The following STXBP4 variants were observed in gnomAD, a reference collection of about 807,000 sequenced individuals.
STXBP4 encodes syntaxin-binding protein 4.
STXBP4 carries 55 observed loss-of-function variants against 76.1 expected under a neutral mutation model. The ratio of observed to expected loss-of-function variants is 0.72; its 90% confidence interval spans 0.58 to 0.91. The LOEUF is 0.91. Among genes scored for constraint, STXBP4 ranks in the 40% least tolerant of loss-of-function variants. The pLI is 0.00. For synonymous variants in STXBP4, 201 were observed against 220.2 expected (o/e 0.91, Z 0.77); for missense variants, 618 against 636.9 (o/e 0.97, Z 0.32).
intron 12 of STXBP4, among the ~76,000 whole-genome samples, chr17:55,062,213 A>G (rs569894717): frequency 6.6e-6 from 1 of 151,988 alleles, no homozygotes; most frequent in East Asian, 1.9e-4. Flanking sequence ...TACATTAGGT[A>G]TTTCTCCTAA....
chr17:55,031,451 AAAG>A (rs1886762067), intron 9 of STXBP4, among the ~76,000 whole-genome samples, 187 bp downstream of exon 9: 2 of 97,188 alleles, frequency 2.1e-5, no homozygotes, highest in African/African-American at 3.3e-5. Context: ...GGGTCAGCAG[AAAG>A]AAGAATTTCA....
Position 55,166,293 on chromosome 17 carries a change from C to T in STXBP4, c.*6382C>T, listed in dbSNP as rs1026513825. ...TGGCTTATTTATTTTTCAAGTCTTT[C>T]TCATTTCTTACCTGGATGCTTTCAA... On this transcript the variant is annotated 3_prime_UTR_variant, in exon 18 of 18. Transcript: ENST00000376352. 2.0e-5 allele frequency: 3 copies of T among 152,128 alleles called. No individual in the cohort carries two copies. The highest frequency in any genetic ancestry group is 4.4e-5 in the Non-Finnish European group (3 of 68,026). 9.4% of individuals were successfully genotyped at this position (152,128 alleles called of 1,614,324 possible).
At chr17:55,135,365 CT>C (rs1182428472) in intron 16 of STXBP4, among the ~76,000 whole-genome samples, 4 of 151,682 alleles carry the variant, frequency 2.6e-5, no homozygotes, top group Non-Finnish European at 5.9e-5. Context: ...ATGTCATTTG[CT>C]TTTTTTTCCT....
downstream of STXBP4, chr17:55,173,732 C>A (rs2080418226): frequency 6.6e-6 from 1 of 152,162 alleles, no homozygotes; most frequent in Non-Finnish European, 1.5e-5. Flanking sequence ...TCTATTGTTG[C>A]CCTTTAAAAT....
intron 16 of STXBP4, among the ~76,000 whole-genome samples, chr17:55,118,942 T>TTA (rs35478073): frequency 0.044 from 6,493 of 147,176 alleles, 216 homozygotes; most frequent in East Asian, 0.18. Context: ...ATTAACTGAT[T>TTA]TATATATATA....
chr17:55,001,478 C>T (rs951147200), intron 7 of STXBP4, among the ~76,000 whole-genome samples: 3 of 151,372 alleles, frequency 2.0e-5, no homozygotes, highest in Non-Finnish European at 2.9e-5. Context: ...AGGATCAATA[C>T]GAAGAAAAAA....
At chr17:55,203,243 C>T in the STXBP4 span, among the ~76,000 whole-genome samples, 1 of 152,136 alleles carries the variant, frequency 6.6e-6, no homozygotes. Context: ...TTCCCCTGTG[C>T]TGAGGTAGAT....
At chr17:55,144,291 G>C (rs1337788109) in intron 17 of STXBP4, among the ~76,000 whole-genome samples, 1 of 151,986 alleles carries the variant, frequency 6.6e-6, no homozygotes, top group Non-Finnish European at 1.5e-5. Flanking sequence ...GAAGGAATGG[G>C]GTGTTTGGCA....
At chr17:55,050,178 G>A (rs2078842366) in intron 12 of STXBP4, among the ~76,000 whole-genome samples, 1 of 152,050 alleles carries the variant, frequency 6.6e-6, no homozygotes, top group Non-Finnish European at 1.5e-5. Flanking sequence ...AAGTAACTCA[G>A]TAAGTTGATA....
intron 8 of STXBP4, among the ~76,000 whole-genome samples, chr17:55,025,009 C>T (rs957882667): frequency 3.0e-4 from 45 of 151,844 alleles, no homozygotes; most frequent in African/African-American, 1.0e-3. Context: ...GGCATGGTGG[C>T]GGGTGCCTGT....
At chr17:55,148,489 G>A (rs2080180579) in intron 17 of STXBP4, among the ~76,000 whole-genome samples, 1 of 152,114 alleles carries the variant, frequency 6.6e-6, no homozygotes, top group South Asian at 2.1e-4. Flanking sequence ...GAAATTTAAA[G>A]GGTACTACTT....
intron 16 of STXBP4, among the ~76,000 whole-genome samples, chr17:55,092,748 T>A (rs2079431709): frequency 6.6e-6 from 1 of 152,130 alleles, no homozygotes; most frequent in Non-Finnish European, 1.5e-5. Context: ...AGAAAAGGTT[T>A]TATGAGAAAA....
chr17:55,076,163 C>T (rs2079179159), intron 13 of STXBP4, among the ~76,000 whole-genome samples: 1 of 152,164 alleles, frequency 6.6e-6, no homozygotes, highest in Non-Finnish European at 1.5e-5. Flanking sequence ...CAAATCCAGT[C>T]ATCCCTCCTG....
chr17:55,043,268 A>G lies in STXBP4; in HGVS notation c.888A>G (p.Glu296=). Residue 296 remains glutamate, a synonymous_variant, in exon 11 of 18, where the codon GAA becomes GAG. Coordinates refer to ENST00000376352, the MANE Select transcript of STXBP4 (RefSeq NM_178509.6). ...LLPCDSSEAD[E]MERLKCERDD... ...CTTGTGATTCTTCAGAAGCAGATGA[A>G]ATGGAAAGGCTCAAGTGTGAAAGAG... The G allele has an allele frequency of 6.5e-7, 1 of 1,536,658 alleles. No homozygotes were observed. The highest frequency in any genetic ancestry group is 2.0e-5 in the Admixed American group (1 of 49,706).
At chr17:55,083,042 ACCT>A in intron 16 of STXBP4, among the ~76,000 whole-genome samples, 1 of 151,430 alleles carries the variant, frequency 6.6e-6, no homozygotes, top group Non-Finnish European at 1.5e-5. Flanking sequence ...GCTCATTGCA[ACCT>A]CCTCCTCCCC....
chr17:55,074,063 T>A (rs2079152532), intron 13 of STXBP4, among the ~76,000 whole-genome samples: 1 of 152,212 alleles, frequency 6.6e-6, no homozygotes, highest in Admixed American at 6.5e-5. Flanking sequence ...TTGAAATAAA[T>A]ATTCATACAT....
intron 3 of STXBP4, among the ~76,000 whole-genome samples, chr17:54,989,388 CCCAG>C (rs1251346792): frequency 1.3e-5 from 2 of 152,198 alleles, no homozygotes; most frequent in African/African-American, 2.4e-5. Context: ...AGCCACCATG[CCCAG>C]CCAGAAGTAT....
intron 1 of STXBP4, among the ~76,000 whole-genome samples, chr17:54,971,783 T>TTTTTTATTTTTA (rs57706726): frequency 0.017 from 2,548 of 151,956 alleles, 71 homozygotes; most frequent in African/African-American, 0.057. Context: ...TTTTCTTTCC[T>TTTTTTATTTTTA]TTTTTATTTT....
Position 55,097,139 on chromosome 17 carries a change from C to T in STXBP4, c.1489+15956C>T, listed in dbSNP as rs570396561. 7.9e-5 allele frequency among the ~76,000 whole-genome samples: 12 copies of T among 151,176 alleles called. No homozygotes were observed. The South Asian group carries it at 2.5e-3, about 32-fold the overall frequency. ...AATTAGTTCTTGGGACTACACAGTG[C>T]TATTTGTGTTTCTCATTTCTTTTAT... On this transcript the variant is annotated intron_variant, in intron 16 of 17. Transcript: ENST00000376352.
Sources: allele counts gnomAD v4.1 joint callset (sites outside exome capture counted in the v4.1 genomes callset), GRCh38; gene constraint gnomAD v4.1.1; transcripts MANE v1.5; gene names NCBI Gene and HGNC (gene_info 2026-07-23, HGNC 2026-07-21).